The following TSPAN5 variants were observed in gnomAD, a reference collection of about 807,000 sequenced individuals.
TSPAN5 encodes the protein tetraspanin 5.
TSPAN5 carries 10 observed loss-of-function variants against 37.1 expected under a neutral mutation model. The ratio of observed to expected loss-of-function variants is 0.27; its 90% confidence interval spans 0.17 to 0.46. TSPAN5 has a LOEUF of 0.46. Ranked by LOEUF, TSPAN5 falls within the 20% of genes least tolerant of loss-of-function variation. The pLI, the probability that TSPAN5 is intolerant of heterozygous loss-of-function variation, is 1.00. For missense variants in TSPAN5, 195 were observed against 326.6 expected, an observed-to-expected ratio of 0.60 and a Z score of 3.11; for synonymous variants, 110 against 118.9, an observed-to-expected ratio of 0.93 and a Z score of 0.48.
intron 1 of TSPAN5, among the ~76,000 whole-genome samples, chr4:98,610,219 T>G (rs6828304): frequency 0.021 from 3,266 of 152,306 alleles, 54 homozygotes; most frequent in African/African-American, 0.058. Flanking sequence ...CATAGTGGAA[T>G]GCAAAAGATG....
intron 2 of TSPAN5, among the ~76,000 whole-genome samples, chr4:98,489,227 G>A (rs149612240): frequency 1.3e-5 from 2 of 152,134 alleles, no homozygotes; most frequent in Admixed American, 1.3e-4. Flanking sequence ...GATTTCCCAG[G>A]CCGAATAAGA....
intron 1 of TSPAN5, among the ~76,000 whole-genome samples, chr4:98,620,030 G>C (rs1478811428): frequency 1.3e-5 from 2 of 152,166 alleles, no homozygotes; most frequent in South Asian, 2.1e-4. Flanking sequence ...ACGTAGCATG[G>C]AGAATTTGGG....
In TSPAN5 at chr4:98,478,590, G is replaced by A. The variant is rs1752758648; in HGVS notation, c.576+95C>T. 3.4e-6 allele frequency: 5 copies of A among 1,490,766 alleles called. No individual in the cohort carries two copies. In the Admixed American group the frequency reaches 5.0e-5, roughly 15 times the overall value. 92.3% of individuals were successfully genotyped at this position (1,490,766 alleles called of 1,614,324 possible). A position where few individuals can be genotyped will look rare whatever the true frequency, so the allele number is the denominator to read the frequency against. On this transcript the variant is annotated intron_variant, in intron 5 of 7. Coordinates refer to ENST00000305798, the MANE Select transcript of TSPAN5 (RefSeq NM_005723.4). ...GCTACAAATACGAGTAACCAGGTAA[G>A]AAGAGGGTTCAACCAAAAAATCACT...
intron 1 of TSPAN5, among the ~76,000 whole-genome samples, chr4:98,518,399 G>GGTCT (rs1269823071): frequency 6.6e-6 from 1 of 152,078 alleles, no homozygotes. Context: ...AAGAGCTAAT[G>GGTCT]GTCTGGTGGG....
chr4:98,479,759 C>T (rs945335875), intron 4 of TSPAN5, among the ~76,000 whole-genome samples: 12 of 152,220 alleles, frequency 7.9e-5, no homozygotes, highest in African/African-American at 2.9e-4. Context: ...GCAACTGTTA[C>T]TGCTGACTAA....
chr4:98,581,052 A>G lies in TSPAN5; in HGVS notation c.82-73324T>C, dbSNP rs981178628. ...AAACCCCAGAGTCAATATAAAGGGGAAAAAAAAATTAACGGGAACAATCTG... is the reference window on the plus strand; with the variant it reads ...AAACCCCAGAGTCAATATAAAGGGGGAAAAAAAATTAACGGGAACAATCTG... On this transcript the variant is annotated intron_variant, in intron 1 of 7. Transcript: ENST00000305798. 5.9e-5 allele frequency among the ~76,000 whole-genome samples: 9 copies of G among 151,784 alleles called. No homozygotes were observed. In the South Asian group the frequency reaches 6.3e-4, roughly 11 times the overall value.
chr4:98,607,590 T>C (rs945877648), intron 1 of TSPAN5, among the ~76,000 whole-genome samples: 19 of 152,204 alleles, frequency 1.2e-4, no homozygotes, highest in African/African-American at 4.6e-4. Context: ...GATTTATTTG[T>C]ATTTTATCAG....
chr4:98,626,936 A>G (rs2110257204), intron 1 of TSPAN5, among the ~76,000 whole-genome samples: 1 of 105,760 alleles, frequency 9.5e-6, no homozygotes, highest in Admixed American at 1.4e-4. Flanking sequence ...AATGTATCCC[A>G]TTTGGCACGT....
chr4:98,635,719 C>A (rs1320107372), intron 1 of TSPAN5, among the ~76,000 whole-genome samples: 2 of 152,222 alleles, frequency 1.3e-5, no homozygotes, highest in Non-Finnish European at 2.9e-5. Context: ...ACATGCCAGA[C>A]TAGCACTCTT....
At chr4:98,484,102 A>C (rs1199133618) in intron 3 of TSPAN5, 3 of 182,106 alleles carry the variant, frequency 1.6e-5, no homozygotes, top group Non-Finnish European at 3.5e-5. Flanking sequence ...CCCCTGGTAA[A>C]TTTTCTCTTC....
At chr4:98,542,921 G>A (rs1032804782) in intron 1 of TSPAN5, among the ~76,000 whole-genome samples, 1 of 152,040 alleles carries the variant, frequency 6.6e-6, no homozygotes, top group Non-Finnish European at 1.5e-5. Flanking sequence ...ACAAATTATG[G>A]CTGAAGTTTA....
intron 2 of TSPAN5, among the ~76,000 whole-genome samples, chr4:98,490,778 TGGCCC>T (rs1753067418): frequency 6.6e-6 from 1 of 152,192 alleles, no homozygotes; most frequent in African/African-American, 2.4e-5. Flanking sequence ...TTGTATGTAT[TGGCCC>T]GGCTTGATGG....
intron 2 of TSPAN5, among the ~76,000 whole-genome samples, chr4:98,506,769 AC>A (rs1753485121): frequency 6.6e-6 from 1 of 152,216 alleles, no homozygotes; most frequent in African/African-American, 2.4e-5. Flanking sequence ...ACCATTCTAT[AC>A]ATCCCCTTGT....
At chr4:98,490,924 T>G (rs1753071142) in intron 2 of TSPAN5, among the ~76,000 whole-genome samples, 1 of 152,008 alleles carries the variant, frequency 6.6e-6, no homozygotes, top group South Asian at 2.1e-4. Context: ...TAGCCGGGCG[T>G]GGCAGCACGC....
At chr4:98,537,675 G>C (rs1754267396) in intron 1 of TSPAN5, among the ~76,000 whole-genome samples, 1 of 152,218 alleles carries the variant, frequency 6.6e-6, no homozygotes, top group South Asian at 2.1e-4. Context: ...CCCTCCCAGA[G>C]AGCTACTTCA....
intron 2 of TSPAN5, among the ~76,000 whole-genome samples, chr4:98,504,173 T>C (rs967502834): frequency 1.3e-5 from 2 of 152,216 alleles, no homozygotes; most frequent in South Asian, 4.1e-4. Flanking sequence ...TTTCTTCCAG[T>C]GGAAATCTCA....
In TSPAN5 at chr4:98,471,042, C is replaced by G. The variant is rs1210353692; in HGVS notation, c.*1480G>C. The G allele has an allele frequency of 6.6e-6, 1 of 152,146 alleles. No individual in the cohort carries two copies. Among genetic ancestry groups the G allele is most frequent in the African/African-American group, 2.4e-5 (1 of 41,430 alleles). The allele number at this position is 152,146 out of a possible 1,614,324, so 9.4% of individuals were successfully genotyped here. ...TAGAGGGCAAAACTCGTCCCTCCCA[C>G]CTAAAGTGGGGGCAGGAGCGGCAGC... On this transcript the variant is annotated 3_prime_UTR_variant, in exon 8 of 8. Coordinates refer to ENST00000305798, the MANE Select transcript of TSPAN5 (RefSeq NM_005723.4).
At chr4:98,545,195 C>A (rs539111884) in intron 1 of TSPAN5, among the ~76,000 whole-genome samples, 2 of 152,328 alleles carry the variant, frequency 1.3e-5, no homozygotes, top group Admixed American at 1.3e-4. Context: ...AAACCTAGAG[C>A]AGCTGGTGGC....
intron 1 of TSPAN5, among the ~76,000 whole-genome samples, chr4:98,630,045 T>G (rs530641261): frequency 6.6e-6 from 1 of 152,358 alleles, no homozygotes; most frequent in South Asian, 2.1e-4. Flanking sequence ...ACATATGCAC[T>G]GACTGCATTT....
Sources: gnomAD v4.1 joint callset for allele counts (sites outside exome capture counted in the v4.1 genomes callset) on GRCh38, gnomAD v4.1.1 for gene constraint, MANE v1.5 for transcripts, NCBI Gene and HGNC (gene_info 2026-07-23, HGNC 2026-07-21) for gene names.